MYRF: variants seen among roughly 807,000 people sequenced by gnomAD.
The protein encoded by MYRF is myelin regulatory factor.
MYRF carries 16 observed loss-of-function variants against 126.3 expected under a neutral mutation model. The ratio of observed to expected loss-of-function variants is 0.13; its 90% CI spans 0.09 to 0.19. The LOEUF (loss-of-function observed/expected upper bound fraction) is 0.19. MYRF is among the 10% of genes least tolerant of loss of function. The pLI, the probability that MYRF is intolerant of heterozygous loss-of-function variation, is 1.00. For synonymous variants in MYRF, 608 were observed against 635.3 expected (o/e 0.96, Z 0.65); for missense variants, 1,104 against 1,547.0 (o/e 0.71, Z 4.80).
chr11:61,772,033 G>T (rs941989865), intron 7 of MYRF, 81 bp downstream of exon 7: 1 of 1,566,872 alleles, frequency 6.4e-7, no homozygotes, highest in Admixed American at 1.8e-5. Flanking sequence ...TCAAGGTCCT[G>T]GAGCAGGGCC....
At chr11:61,769,169 G>T in intron 3 of MYRF, 91 bp from the exon 4 acceptor site, 2 of 721,232 alleles carry the variant, frequency 2.8e-6, no homozygotes, top group Non-Finnish European at 2.4e-6. Flanking sequence ...CTTCTGGGGG[G>T]CTGTGGGACC....
chr11:61,755,519 C>G, intron 1 of MYRF: 15 of 1,533,980 alleles, frequency 9.8e-6, no homozygotes, highest in Non-Finnish European at 1.3e-5. Flanking sequence ...GTCTGAGAAT[C>G]CTGCCAGGAC....
At chr11:61,767,074 G>T in intron 3 of MYRF, 1 of 456,728 alleles carries the variant, frequency 2.2e-6, no homozygotes, top group Non-Finnish European at 4.4e-6. Flanking sequence ...AGCAACAAGG[G>T]CACAGAGGAT....
At chr11:61,766,316 T>A in intron 3 of MYRF, 95 bp downstream of exon 3, 1 of 1,346,764 alleles carries the variant, frequency 7.4e-7, no homozygotes, top group Non-Finnish European at 9.9e-7. Context: ...GACACTGGCC[T>A]GGCATGGGAT....
At chr11:61,784,123 G>A in intron 24 of MYRF, 157 bp from the exon 25 acceptor site, 1 of 948,100 alleles carries the variant, frequency 1.1e-6, no homozygotes, top group Non-Finnish European at 1.6e-6. Flanking sequence ...GACCACATGG[G>A]ATGGTCGATG....
intron 16 of MYRF, 47 bp downstream of exon 16, chr11:61,779,617 T>G: frequency 6.9e-7 from 1 of 1,440,306 alleles, no homozygotes; most frequent in Non-Finnish European, 9.2e-7. Flanking sequence ...GGGGCCTCCC[T>G]TGTGGCCTCC....
intron 3 of MYRF, chr11:61,767,292 G>A (rs939215853): frequency 1.1e-5 from 5 of 456,552 alleles, no homozygotes; most frequent in Admixed American, 4.7e-5. Context: ...TTTGGTAAGC[G>A]CCTGCTGGTG....
chr11:61,779,267 G>T lies in MYRF; in HGVS notation c.2018G>T (p.Arg673Leu). 1.3e-6 allele frequency: 2 copies of T among 1,541,900 alleles called. No homozygotes were observed. The highest frequency in any genetic ancestry group is 1.7e-6 in the Non-Finnish European group (2 of 1,146,548). The change falls in exon 15 of 27, where the codon CGC becomes CTC. Residue 673 changes from arginine to leucine, a missense_variant. By Grantham distance (102) the Arg-to-Leu change is moderately radical. This residue lies in a region of MYRF where 123 missense variants were observed against 209.1 expected (regional missense o/e 0.59). Transcript: ENST00000278836. The stretch of plus-strand genomic sequence containing the variant: ...ATGGCCCATGGCCCATGGCAGGAGC[G>T]CATCTTCATGGAGAACGTAGGGGCC... ...IENFLVVNKE[R>L]IFMENVGAVK...
At chr11:61,774,777 A>G (rs980674383) in intron 8 of MYRF, among the ~76,000 whole-genome samples, 2 of 147,614 alleles carry the variant, frequency 1.4e-5, no homozygotes, top group African/African-American at 5.0e-5. Flanking sequence ...CTCGTTGGGC[A>G]CCTTACCCTG....
intron 21 of MYRF, 117 bp from the exon 22 acceptor site, chr11:61,781,456 C>T (rs1267701318): frequency 1.3e-6 from 2 of 1,538,616 alleles, no homozygotes; most frequent in Admixed American, 1.9e-5. Context: ...CTGGGAAGTT[C>T]CCCTGAGAGG....
At chr11:61,771,224 A>G (rs2066210472) in intron 5 of MYRF, among the ~76,000 whole-genome samples, 1 of 152,216 alleles carries the variant, frequency 6.6e-6, no homozygotes, top group African/African-American at 2.4e-5. Flanking sequence ...TGATTCTGTA[A>G]GCCAGCCCTG....
rs1485225866 is a variant in MYRF, at chr11:61,776,731, T to G, written c.1500-56T>G. 7.3e-7 allele frequency: 1 copy of G among 1,365,630 alleles called. No homozygotes were observed. Among genetic ancestry groups the G allele is most frequent in the Non-Finnish European group, 1.0e-6 (1 of 991,594 alleles). 84.6% of individuals were successfully genotyped at this position (1,365,630 alleles called of 1,614,324 possible). A position where few individuals can be genotyped will look rare whatever the true frequency, so the allele number is the denominator to read the frequency against. On this transcript the variant is annotated intron_variant, in intron 10 of 26. Transcript: ENST00000278836. This position sits in a 1 kb window ranked among gnomAD's most constrained non-coding sequence, Gnocchi z 4.3. ...AACATGCATCTGGCCAGGGAAAGGG[T>G]GGCCCTGGGGGCGGGGGCAGGCCAT...
In MYRF at chr11:61,783,730, C is replaced by A; in HGVS notation, c.3120-121C>A. The A allele has an allele frequency of 7.4e-7, 1 of 1,355,236 alleles. No individual in the cohort carries two copies. The allele number at this position is 1,355,236 out of a possible 1,614,324, so 84.0% of individuals were successfully genotyped here. On this transcript the variant is annotated intron_variant, in intron 23 of 26. Transcript: ENST00000278836. This position sits in a 1 kb window ranked among gnomAD's most constrained non-coding sequence, Gnocchi z 4.6. ...TAAGGAAGGGTAGCCCCTTTCCAGGCTACCCTTGGACACTGTCTCTTCTGG... is the reference window on the plus strand; with the variant it reads ...TAAGGAAGGGTAGCCCCTTTCCAGGATACCCTTGGACACTGTCTCTTCTGG...
rs760054506 is a variant in MYRF, at chr11:61,779,330, C to A, written c.2081C>A (p.Thr694Lys). ...TGCAAGCTGACAGACAACCTGGAGA[C>A]GCGCATTGATGAGCTGGAGCGCTGG... is the stretch of plus-strand genomic sequence containing the variant. ...ELCKLTDNLETRIDELERWSH... is the reference protein window; with the variant it reads ...ELCKLTDNLEKRIDELERWSH... Residue 694 changes from threonine to lysine, a missense_variant, in exon 15 of 27, where the codon ACG (threonine) becomes AAG (lysine). Coordinates refer to ENST00000278836, the MANE Select transcript of MYRF (RefSeq NM_001127392.3). 1 of 1,550,770 alleles carries A rather than the reference C, an allele frequency of 6.4e-7. No homozygotes were observed. The highest frequency in any genetic ancestry group is 8.7e-7 in the Non-Finnish European group (1 of 1,146,930).
chr11:61,777,899 T>G lies in MYRF; in HGVS notation c.1903+54T>G. On this transcript the variant is annotated intron_variant, in intron 13 of 26. Coordinates refer to ENST00000278836, the MANE Select transcript of MYRF (RefSeq NM_001127392.3). This position sits in a 1 kb window ranked among gnomAD's most constrained non-coding sequence, Gnocchi z 8.8. ...TCCGGAAACCCAGAAACCTCGGGCC[T>G]CAGTGACCTTGCCCCCTGTCACCTG... is the stretch of plus-strand genomic sequence containing the variant. 1 of 1,395,618 alleles carries G rather than the reference T, an allele frequency of 7.2e-7. No homozygotes were observed. The highest frequency in any genetic ancestry group is 9.9e-7 in the Non-Finnish European group (1 of 1,009,422). 86.5% of individuals were successfully genotyped at this position (1,395,618 alleles called of 1,614,324 possible). A position where few individuals can be genotyped will look rare whatever the true frequency, so the allele number is the denominator to read the frequency against.
In MYRF at chr11:61,779,555, C is replaced by T. The variant is rs757229637; in HGVS notation, c.2232C>T (p.Pro744=). Residue 744 remains proline, a synonymous_variant, in exon 16 of 27, where the codon CCC becomes CCT. Transcript: ENST00000278836. ...AGSVPHKKRP[P]KVASKSSSVV... is the part of the protein sequence containing the mutation. ...GCGTCCCCCACAAGAAGAGGCCCCC[C>T]AAGGTGGCCAGCAAGGTAGGGGTGA... 1.1e-5 allele frequency: 17 copies of T among 1,504,084 alleles called. No homozygotes were observed. The highest frequency in any genetic ancestry group is 2.3e-5 in the Admixed American group (1 of 43,430). The allele number at this position is 1,504,084 out of a possible 1,614,324, so 93.2% of individuals were successfully genotyped here.
At chr11:61,784,460 G>C (rs2066639946) in intron 25 of MYRF, 75 bp downstream of exon 25, 1 of 1,204,778 alleles carries the variant, frequency 8.3e-7, no homozygotes, top group African/African-American at 1.5e-5. Context: ...GCCCCAAAAT[G>C]GGCAAGGAGC....
At chr11:61,785,479 C>A in intron 25 of MYRF, 1 of 360,026 alleles carries the variant, frequency 2.8e-6, no homozygotes. Flanking sequence ...CTGGATTGTA[C>A]TGAGGATGGG....
At chr11:61,763,994 G>A (rs2065976179) in intron 1 of MYRF, among the ~76,000 whole-genome samples, 1 of 152,260 alleles carries the variant, frequency 6.6e-6, no homozygotes. Flanking sequence ...TTGAGCAGAG[G>A]CAGGGTCCTG....
Sources: allele counts gnomAD v4.1 joint callset (sites outside exome capture counted in the v4.1 genomes callset), GRCh38; gene constraint gnomAD v4.1.1; regional missense constraint gnomAD v4.1.1; non-coding constraint Gnocchi (gnomAD v3.1); transcripts MANE v1.5; gene names NCBI Gene and HGNC (gene_info 2026-07-23, HGNC 2026-07-21).